The following CD2AP variants were observed in gnomAD, a reference collection of about 807,000 sequenced individuals.
CD2AP encodes CD2 associated protein, also known as CD2-associated protein.
Under a neutral mutation model 85.1 loss-of-function variants are expected in CD2AP, and 46 were observed. The ratio of observed to expected loss-of-function variants is 0.54; its 90% CI spans 0.43 to 0.69. CD2AP has a LOEUF of 0.69. Ranked by LOEUF, CD2AP falls within the 30% of genes least tolerant of loss-of-function variation. The pLI is 0.00. For missense variants in CD2AP, 769 were observed against 729.5 expected (o/e 1.05, Z -0.62); for synonymous variants, 255 against 252.9 (o/e 1.01, Z -0.08).
chr6:47,527,846 C>T (rs747633001), intron 2 of CD2AP, among the ~76,000 whole-genome samples: 6 of 152,292 alleles, frequency 3.9e-5, no homozygotes, highest in Non-Finnish European at 8.8e-5. Context: ...CCCAGAGTTA[C>T]ATGGGAGTTC....
chr6:47,588,633 A>G (rs1768693151), intron 11 of CD2AP, among the ~76,000 whole-genome samples: 1 of 152,138 alleles, frequency 6.6e-6, no homozygotes, highest in Non-Finnish European at 1.5e-5. Flanking sequence ...AACATCTCAC[A>G]TAATTGAAAG....
chr6:47,563,472 G>A (rs150681166), intron 5 of CD2AP, among the ~76,000 whole-genome samples: 48 of 152,292 alleles, frequency 3.2e-4, no homozygotes, highest in South Asian at 1.4e-3. Context: ...TAAAGCTTCT[G>A]TCCAAAATTG....
chr6:47,622,146 C>T (rs1769762417), intron 17 of CD2AP, among the ~76,000 whole-genome samples: 1 of 152,136 alleles, frequency 6.6e-6, no homozygotes, highest in South Asian at 2.1e-4. Context: ...AGTCACAGGC[C>T]TCACCCAGCT....
intron 5 of CD2AP, among the ~76,000 whole-genome samples, chr6:47,572,265 C>G (rs1222625878): frequency 6.6e-6 from 1 of 152,170 alleles, no homozygotes; most frequent in Non-Finnish European, 1.5e-5. Context: ...CATGCCTGCG[C>G]CCGGATCCAC....
chr6:47,619,071 T>A (rs1030716305), intron 17 of CD2AP, among the ~76,000 whole-genome samples: 1 of 152,228 alleles, frequency 6.6e-6, no homozygotes. Flanking sequence ...TGTATTTGCC[T>A]GATAACTAAT....
chr6:47,498,262 CTT>C lies in CD2AP; in HGVS notation c.5-5015_5-5014del, dbSNP rs146281813. Among the ~76,000 whole-genome samples, 1,202 of 152,250 alleles carry C rather than the reference CTT, an allele frequency of 7.9e-3. 13 individuals carry two copies. The highest frequency in any genetic ancestry group is 0.027 in the African/African-American group (1,120 of 41,552). On this transcript the variant is annotated intron_variant, in intron 1 of 17. Transcript: ENST00000359314. Reference sequence around the variant, plus strand: ...TAATTTTCCTTCAATACTTCAGTGACTTTTAATTTTTCTTTTTCTAGAATCCA... The same window carrying C: ...TAATTTTCCTTCAATACTTCAGTGACTTAATTTTTCTTTTTCTAGAATCCA...
chr6:47,505,683 C>T (rs1421034420), intron 2 of CD2AP, among the ~76,000 whole-genome samples: 3 of 81,050 alleles, frequency 3.7e-5, no homozygotes, highest in African/African-American at 7.9e-5. Flanking sequence ...GCTGACCCCC[C>T]CATCTCCCTC....
At chr6:47,481,284 T>G (rs766980577) in intron 1 of CD2AP, among the ~76,000 whole-genome samples, 1 of 152,142 alleles carries the variant, frequency 6.6e-6, no homozygotes, top group Non-Finnish European at 1.5e-5. Flanking sequence ...GCGGTGAACT[T>G]TTTAGTTTAT....
chr6:47,575,867 G>T (rs1768294179), intron 6 of CD2AP, among the ~76,000 whole-genome samples: 1 of 151,906 alleles, frequency 6.6e-6, no homozygotes, highest in African/African-American at 2.4e-5. Context: ...TTCATTTTAA[G>T]GTTTAGTTCT....
At chr6:47,589,393 C>CACACACACACACACACACACAA (rs1562046161) in intron 11 of CD2AP, among the ~76,000 whole-genome samples, 21 of 151,022 alleles carry the variant, frequency 1.4e-4, no homozygotes, top group African/African-American at 4.9e-4. Context: ...CACACACACA[C>CACACACACACACACACACACAA]AAATGTATAT....
Position 47,624,256 on chromosome 6 carries a change from C to T in CD2AP, c.*29C>T. 1.3e-6 allele frequency: 2 copies of T among 1,584,754 alleles called. No individual in the cohort carries two copies. Among genetic ancestry groups the T allele is most frequent in the Non-Finnish European group, 1.7e-6 (2 of 1,153,772 alleles). ...GTGTGGACCTGGTGTTCATAATGTT[C>T]CAGGGATTCAGAAGCAACGCTATGA... On this transcript the variant is annotated 3_prime_UTR_variant, in exon 18 of 18. Transcript: ENST00000359314.
intron 5 of CD2AP, among the ~76,000 whole-genome samples, chr6:47,564,140 A>G (rs1244735257): frequency 6.6e-6 from 1 of 152,188 alleles, no homozygotes; most frequent in African/African-American, 2.4e-5. Context: ...TGTAAAAACC[A>G]TTAGAGAACA....
chr6:47,591,875 T>C (rs1286148449), intron 11 of CD2AP, among the ~76,000 whole-genome samples: 4 of 152,166 alleles, frequency 2.6e-5, no homozygotes, highest in Non-Finnish European at 5.9e-5. Flanking sequence ...TTGCCCAGGC[T>C]GGAGTGCAGT....
intron 13 of CD2AP, among the ~76,000 whole-genome samples, chr6:47,601,640 A>G (rs146736092): frequency 1.1e-3 from 166 of 152,108 alleles, no homozygotes; most frequent in African/African-American, 3.6e-3. Context: ...TTAGACGATC[A>G]TATGTTCCTA....
At chr6:47,574,822 A>G (rs961360448) in intron 6 of CD2AP, among the ~76,000 whole-genome samples, 31 of 152,200 alleles carry the variant, frequency 2.0e-4, no homozygotes, top group South Asian at 4.1e-4. Context: ...TATAAGAACT[A>G]AAAAGAGGCT....
intron 11 of CD2AP, among the ~76,000 whole-genome samples, chr6:47,591,140 C>G (rs1410493335): frequency 6.6e-6 from 1 of 152,038 alleles, no homozygotes; most frequent in African/African-American, 2.4e-5. Flanking sequence ...AATAAATGAA[C>G]GAGAGCTACA....
intron 4 of CD2AP, among the ~76,000 whole-genome samples, chr6:47,549,286 T>TA (rs1767449489): frequency 6.6e-6 from 1 of 152,030 alleles, no homozygotes; most frequent in Non-Finnish European, 1.5e-5. Flanking sequence ...GATGATATGA[T>TA]CGTTTACCTT....
chr6:47,557,972 T>C (rs1404375568), intron 5 of CD2AP, among the ~76,000 whole-genome samples: 1 of 152,238 alleles, frequency 6.6e-6, no homozygotes, highest in Non-Finnish European at 1.5e-5. Flanking sequence ...GGAATGTTTT[T>C]CCATTTGTTT....
intron 17 of CD2AP, among the ~76,000 whole-genome samples, chr6:47,623,448 C>T (rs1478665360): frequency 6.6e-6 from 1 of 152,166 alleles, no homozygotes; most frequent in Non-Finnish European, 1.5e-5. Context: ...CTTACCATGA[C>T]AAGTCCTGTG....
Sources: allele counts gnomAD v4.1 joint callset (sites outside exome capture counted in the v4.1 genomes callset), GRCh38; gene constraint gnomAD v4.1.1; transcripts MANE v1.5; gene names NCBI Gene and HGNC (gene_info 2026-07-23, HGNC 2026-07-21).